Variants in FER observed in about 807,000 individuals in gnomAD.
FER encodes the protein FER tyrosine kinase.
In FER, 63 loss-of-function variants were observed where a neutral mutation model predicts 111.0. That is an observed-to-expected ratio of 0.57 (90% confidence interval 0.46 to 0.70). The LOEUF (loss-of-function observed/expected upper bound fraction) is 0.70, where lower values mean the gene tolerates loss of function less well. Among genes scored for constraint, FER ranks in the 30% least tolerant of loss-of-function variants. The pLI is 0.00. For synonymous variants in FER, 327 were observed against 313.9 expected (o/e 1.04, Z -0.44); for missense variants, 914 against 954.0 (o/e 0.96, Z 0.55).
At chr5:108,993,617 A>AAGGGCGAGGGCGAGGGTG (rs1466126867) in intron 13 of FER, among the ~76,000 whole-genome samples, 1 of 104,936 alleles carries the variant, frequency 9.5e-6, no homozygotes, top group Admixed American at 9.2e-5. Context: ...GGGAGAGGGC[A>AAGGGCGAGGGCGAGGGTG]AGGGCGAGGG....
intron 5 of FER, among the ~76,000 whole-genome samples, chr5:108,844,096 ATG>A (rs752248298): frequency 1.4e-5 from 2 of 147,458 alleles, no homozygotes; most frequent in East Asian, 2.0e-4. Flanking sequence ...GTGTGAACAT[ATG>A]TGTGTGAACA....
intron 13 of FER, among the ~76,000 whole-genome samples, chr5:108,965,534 T>C (rs1759693746): frequency 6.6e-6 from 1 of 152,172 alleles, no homozygotes; most frequent in Non-Finnish European, 1.5e-5. Flanking sequence ...ATTAAATCTT[T>C]TCAACAACTG....
chr5:108,828,458 TCC>T (rs1759702218), intron 3 of FER, among the ~76,000 whole-genome samples: 1 of 152,196 alleles, frequency 6.6e-6, no homozygotes, highest in African/African-American at 2.4e-5. Flanking sequence ...TTTGTTGGTA[TCC>T]TGTGGAATTT....
chr5:109,038,536 T>TC (rs1770710387), intron 14 of FER, among the ~76,000 whole-genome samples: 1 of 151,966 alleles, frequency 6.6e-6, no homozygotes, highest in South Asian at 2.1e-4. Context: ...AAAATACTTT[T>TC]CCCAAAGCAT....
In FER at chr5:108,872,129, T is replaced by A. The variant is rs1764657675; in HGVS notation, c.840T>A (p.Asp280Glu). Residue 280 changes from aspartate to glutamate, a missense_variant, in exon 8 of 20, where the codon GAT (aspartate) becomes GAA (glutamate). Physicochemically the swap from Asp to Glu is conservative, Grantham distance 45. Transcript: ENST00000281092. ...TAAKEQEIEFDTSLLEENENL... is the reference protein window; with the variant it reads ...TAAKEQEIEFETSLLEENENL... Reference sequence around the variant, plus strand: ...CTAAAGAACAAGAAATAGAGTTTGATACTTCCTTACTGGAAGAAAATGAAA... The same window carrying A: ...CTAAAGAACAAGAAATAGAGTTTGAAACTTCCTTACTGGAAGAAAATGAAA... 24 of 1,611,466 alleles carry A rather than the reference T, an allele frequency of 1.5e-5. No individual in the cohort carries two copies. Among genetic ancestry groups the A allele is most frequent in the Non-Finnish European group, 2.0e-5 (24 of 1,178,828 alleles).
chr5:109,156,665 G>T (rs1755429270), intron 17 of FER, among the ~76,000 whole-genome samples: 1 of 151,968 alleles, frequency 6.6e-6, no homozygotes, highest in Non-Finnish European at 1.5e-5. Context: ...GGAATTTATG[G>T]GCAGAAGAGA....
At chr5:109,103,563 G>A (rs1748518336) in intron 17 of FER, among the ~76,000 whole-genome samples, 1 of 152,098 alleles carries the variant, frequency 6.6e-6, no homozygotes, top group Non-Finnish European at 1.5e-5. Flanking sequence ...GTTTCTAGTG[G>A]AAACTATTTC....
chr5:108,785,203 G>T, intron 2 of FER: 1 of 600,448 alleles, frequency 1.7e-6, no homozygotes, highest in Non-Finnish European at 3.0e-6. Flanking sequence ...CTGTGACTAT[G>T]TCTCCAAATG....
At chr5:109,109,660 C>G (rs902447131) in intron 17 of FER, among the ~76,000 whole-genome samples, 2 of 152,122 alleles carry the variant, frequency 1.3e-5, no homozygotes, top group African/African-American at 4.8e-5. Context: ...GGGACCACAA[C>G]TTAAGAAGAA....
At chr5:109,019,463 A>C (rs1390454572) in intron 13 of FER, among the ~76,000 whole-genome samples, 1 of 151,834 alleles carries the variant, frequency 6.6e-6, no homozygotes, top group Non-Finnish European at 1.5e-5. Context: ...GTACTGTCAA[A>C]GTATGATTAC....
intron 17 of FER, among the ~76,000 whole-genome samples, chr5:109,149,280 A>G (rs946450890): frequency 6.6e-6 from 1 of 152,178 alleles, no homozygotes; most frequent in Non-Finnish European, 1.5e-5. Flanking sequence ...CAAAGAGTAC[A>G]AGACTAAGAG....
chr5:108,990,136 A>G (rs1462861411), intron 13 of FER, among the ~76,000 whole-genome samples: 2 of 151,992 alleles, frequency 1.3e-5, no homozygotes, highest in Non-Finnish European at 2.9e-5. Flanking sequence ...ATTAGTGTAT[A>G]TTAATACAAG....
chr5:108,859,920 C>T (rs1037009682), intron 5 of FER, among the ~76,000 whole-genome samples: 12 of 141,596 alleles, frequency 8.5e-5, no homozygotes, highest in African/African-American at 2.9e-4. Context: ...ATGTATATAC[C>T]TATTATTATT....
intron 16 of FER, among the ~76,000 whole-genome samples, chr5:109,081,977 C>T (rs1483851301): frequency 2.6e-5 from 4 of 151,924 alleles, no homozygotes; most frequent in Non-Finnish European, 5.9e-5. Flanking sequence ...GTTTCTGAAC[C>T]ATTATAACAT....
At chr5:108,919,342 AG>A (rs1752710042) in intron 10 of FER, among the ~76,000 whole-genome samples, 2 of 152,010 alleles carry the variant, frequency 1.3e-5, no homozygotes, top group African/African-American at 4.8e-5. Flanking sequence ...ATGAGTAAAG[AG>A]TACAGAAAAT....
rs1361547839 is a variant in FER at position 109,192,654 on chromosome 5, A to G, written c.*5079A>G. ...ACTGATTATCCACACGTTATTAGAAATCTTTGGTTACAGTGAGGCTTAACC... is the reference window on the plus strand; with the variant it reads ...ACTGATTATCCACACGTTATTAGAAGTCTTTGGTTACAGTGAGGCTTAACC... On this transcript the variant is annotated 3_prime_UTR_variant, in exon 20 of 20. Transcript: ENST00000281092. The G allele has an allele frequency of 6.6e-6, 1 of 152,132 alleles. No homozygotes were observed. The highest frequency in any genetic ancestry group is 1.5e-5 in the Non-Finnish European group (1 of 67,998). 9.4% of individuals were successfully genotyped at this position (152,132 alleles called of 1,614,324 possible).
At chr5:108,849,065 T>G (rs1762299875) in intron 5 of FER, among the ~76,000 whole-genome samples, 1 of 152,142 alleles carries the variant, frequency 6.6e-6, no homozygotes, top group Admixed American at 6.5e-5. Context: ...TGGTAGCTTT[T>G]AAGATTTTCC....
In FER at chr5:108,901,297, A is replaced by G. The variant is rs1467034251; in HGVS notation, c.1236+3449A>G. Among the ~76,000 whole-genome samples the G allele has an allele frequency of 2.6e-5, 4 of 152,240 alleles. No individual in the cohort carries two copies. The East Asian group carries it at 5.8e-4, about 22-fold the overall frequency. On this transcript the variant is annotated intron_variant, in intron 10 of 19. Transcript: ENST00000281092. The stretch of plus-strand genomic sequence containing the variant: ...AAAGCTGTGGTTATGCTAGATAAGT[A>G]TGATGAATTAAGTAAGAGAGGGGAA...
Position 108,920,061 on chromosome 5 carries a change from T to A in FER, c.1236+22213T>A, listed in dbSNP as rs1368692846. 3.3e-5 allele frequency among the ~76,000 whole-genome samples: 5 copies of A among 152,088 alleles called. No individual in the cohort carries two copies. In the South Asian group the frequency reaches 1.0e-3, roughly 31 times the overall value. Reference sequence around the variant, plus strand: ...AGTATTTTCATTTCAGAGACTACAGTCCCCTTATTATAGATATTTTAGTTC... The same window carrying A: ...AGTATTTTCATTTCAGAGACTACAGACCCCTTATTATAGATATTTTAGTTC... On this transcript the variant is annotated intron_variant, in intron 10 of 19. Transcript: ENST00000281092.
Sources: allele counts gnomAD v4.1 joint callset (sites outside exome capture counted in the v4.1 genomes callset), GRCh38; gene constraint gnomAD v4.1.1; transcripts MANE v1.5; gene names NCBI Gene and HGNC (gene_info 2026-07-23, HGNC 2026-07-21).